EPHA6: variants seen among roughly 807,000 people sequenced by gnomAD.
EPHA6 encodes ephrin type-A receptor 6.
A neutral mutation model predicts 112.0 loss-of-function variants in EPHA6; 50 were observed. The ratio of observed to expected loss-of-function variants is 0.45; its 90% confidence interval spans 0.36 to 0.56. The LOEUF (loss-of-function observed/expected upper bound fraction) is 0.56, where lower values mean the gene tolerates loss of function less well. EPHA6 is among the 20% of genes least tolerant of loss of function. The pLI is 0.00. For synonymous variants in EPHA6, 529 were observed against 490.7 expected (o/e 1.08, Z -1.03); for missense variants, 1,280 against 1,417.4 (o/e 0.90, Z 1.56).
chr3:97,234,909 T>A (rs2078637821), intron 4 of EPHA6, among the ~76,000 whole-genome samples: 1 of 152,114 alleles, frequency 6.6e-6, no homozygotes, highest in Non-Finnish European at 1.5e-5. Context: ...TATGGAAACC[T>A]GCCTGCATCT....
At chr3:97,049,948 G>C (rs79344237) in intron 3 of EPHA6, among the ~76,000 whole-genome samples, 2,118 of 152,258 alleles carry the variant, frequency 0.014, 60 homozygotes, top group African/African-American at 0.048. Flanking sequence ...TTGACAGAGA[G>C]AAACATCCAA....
chr3:96,914,703 AGAGAATCTTCTTGTTT>A (rs1414201484), intron 2 of EPHA6, among the ~76,000 whole-genome samples: 2 of 152,146 alleles, frequency 1.3e-5, no homozygotes, highest in Admixed American at 1.3e-4. Context: ...AAGAAAACTG[AGAGAATCTTCTTGTTT>A]GCTAGCAAAA....
At chr3:97,279,494 T>A (rs1441062984) in intron 5 of EPHA6, among the ~76,000 whole-genome samples, 14 of 150,020 alleles carry the variant, frequency 9.3e-5, no homozygotes, top group African/African-American at 3.4e-4. Context: ...GAATAGGAAA[T>A]CTATTTAAAA....
At chr3:96,950,833 G>C (rs1576147550) in intron 2 of EPHA6, among the ~76,000 whole-genome samples, 1 of 151,840 alleles carries the variant, frequency 6.6e-6, no homozygotes, top group African/African-American at 2.4e-5. Flanking sequence ...TGTCTATTAT[G>C]TCTACCTAGA....
intron 5 of EPHA6, among the ~76,000 whole-genome samples, chr3:97,291,681 T>C (rs973149070): frequency 7.2e-5 from 11 of 152,244 alleles, no homozygotes; most frequent in African/African-American, 2.7e-4. Flanking sequence ...ATATTTGTTT[T>C]ATGTATCTGA....
At position 97,748,662 on chromosome 3, in the gene EPHA6, A is replaced by G. The variant is rs770945824; in HGVS notation, c.3354A>G (p.Leu1118=). ...TCAGCAGCATACAGACTTTACGTTT[A>G]CACATGATGCACATACAGGAGAAGG... ...RIVSSIQTLR[L]HMMHIQEKGF... The change falls in exon 18 of 18, where the codon TTA becomes TTG. Residue 1118 remains leucine (L), a synonymous_variant. Transcript: ENST00000389672. 3 of 1,611,540 alleles carry G rather than the reference A, an allele frequency of 1.9e-6. No homozygotes were observed. The highest frequency in any genetic ancestry group is 2.7e-5 in the African/African-American group (2 of 74,876).
At chr3:96,961,290 A>G (rs1344567128) in intron 2 of EPHA6, among the ~76,000 whole-genome samples, 1 of 152,212 alleles carries the variant, frequency 6.6e-6, no homozygotes, top group Non-Finnish European at 1.5e-5. Flanking sequence ...TCTCTATTCT[A>G]TAACTTAGAA....
At chr3:97,078,521 G>T (rs1018741710) in intron 3 of EPHA6, among the ~76,000 whole-genome samples, 1 of 152,068 alleles carries the variant, frequency 6.6e-6, no homozygotes, top group South Asian at 2.1e-4. Context: ...GGTTTTTATG[G>T]TTTTAGGTCT....
At chr3:97,330,869 C>A (rs1157786248) in intron 5 of EPHA6, among the ~76,000 whole-genome samples, 1 of 152,030 alleles carries the variant, frequency 6.6e-6, no homozygotes, top group Non-Finnish European at 1.5e-5. Flanking sequence ...TATCCGGGAA[C>A]TGAACTCAGC....
chr3:97,575,817 A>T (rs1390929340), intron 11 of EPHA6, among the ~76,000 whole-genome samples: 2 of 152,220 alleles, frequency 1.3e-5, no homozygotes, highest in East Asian at 3.8e-4. Context: ...GTCAATAAAA[A>T]GTGATGGCAA....
intron 3 of EPHA6, among the ~76,000 whole-genome samples, chr3:97,022,524 G>C (rs2044497570): frequency 1.3e-5 from 2 of 152,148 alleles, no homozygotes; most frequent in Admixed American, 6.5e-5. Context: ...TTGTGGGTGG[G>C]CTTCAAGACA....
chr3:97,403,736 G>A (rs908214814), intron 5 of EPHA6, among the ~76,000 whole-genome samples: 2 of 152,148 alleles, frequency 1.3e-5, no homozygotes, highest in South Asian at 4.1e-4. Context: ...GTGAGCCACC[G>A]CGCCCGGCCT....
intron 3 of EPHA6, among the ~76,000 whole-genome samples, chr3:97,003,790 C>G (rs1237416955): frequency 7.6e-6 from 1 of 130,826 alleles, no homozygotes; most frequent in African/African-American, 2.8e-5. Flanking sequence ...TTCCCCTCAC[C>G]CCCCCACCCC....
At chr3:96,975,771 T>A (rs141917102) in intron 2 of EPHA6, among the ~76,000 whole-genome samples, 14 of 152,270 alleles carry the variant, frequency 9.2e-5, no homozygotes, top group African/African-American at 3.4e-4. Flanking sequence ...AAAAAAGAGC[T>A]CACAAAATGA....
chr3:97,148,480 A>G (rs1576574142), intron 3 of EPHA6, among the ~76,000 whole-genome samples: 1 of 152,118 alleles, frequency 6.6e-6, no homozygotes, highest in South Asian at 2.1e-4. Flanking sequence ...AAAAAAATGC[A>G]TATCTTTTTC....
At chr3:97,509,517 A>T (rs1023557526) in intron 10 of EPHA6, among the ~76,000 whole-genome samples, 2 of 152,134 alleles carry the variant, frequency 1.3e-5, no homozygotes, top group Non-Finnish European at 2.9e-5. Context: ...ATTGGCCCTC[A>T]TGCTCTTCTG....
At chr3:97,645,581 G>A (rs2094053110) in intron 14 of EPHA6, among the ~76,000 whole-genome samples, 1 of 150,480 alleles carries the variant, frequency 6.6e-6, no homozygotes, top group South Asian at 2.1e-4. Context: ...CGAGTTAGTG[G>A]GTGCAGTGCA....
intron 11 of EPHA6, among the ~76,000 whole-genome samples, chr3:97,536,745 A>T (rs565258732): frequency 6.6e-6 from 1 of 152,196 alleles, no homozygotes; most frequent in Admixed American, 6.6e-5. Flanking sequence ...AGTAATAGGC[A>T]TTCCCCAAAA....
chr3:97,442,111 G>C (rs552098584), intron 6 of EPHA6, among the ~76,000 whole-genome samples: 2 of 152,182 alleles, frequency 1.3e-5, no homozygotes, highest in East Asian at 1.9e-4. Flanking sequence ...AATAGAAATG[G>C]ATGACTTTTT....
Sources: gnomAD v4.1 joint callset for allele counts (sites outside exome capture counted in the v4.1 genomes callset) on GRCh38, gnomAD v4.1.1 for gene constraint, MANE v1.5 for transcripts, NCBI Gene and HGNC (gene_info 2026-07-23, HGNC 2026-07-21) for gene names.